Variants in CALN1 observed in about 807,000 individuals in gnomAD.
CALN1 encodes calcium-binding protein 8.
Under a neutral mutation model 30.6 loss-of-function variants are expected in CALN1, and 17 were observed. That is an observed-to-expected ratio of 0.56 (90% confidence interval 0.38 to 0.83). The LOEUF (loss-of-function observed/expected upper bound fraction) is 0.83, where lower values mean the gene tolerates loss of function less well. Among genes scored for constraint, CALN1 ranks in the 40% least tolerant of loss-of-function variants. The pLI, the probability that CALN1 is intolerant of heterozygous loss-of-function variation, is 0.00. For synonymous variants in CALN1, 156 were observed against 131.4 expected (o/e 1.19, Z -1.28); for missense variants, 291 against 354.9 (o/e 0.82, Z 1.45).
At chr7:71,856,613 GTATTTT>G (rs1562844602) in intron 5 of CALN1, among the ~76,000 whole-genome samples, 1 of 152,124 alleles carries the variant, frequency 6.6e-6, no homozygotes, top group African/African-American at 2.4e-5. Context: ...CCACTGTTCT[GTATTTT>G]TATATTTGTT....
At chr7:72,377,917 T>C (rs1391081786) in intron 2 of CALN1, among the ~76,000 whole-genome samples, 2 of 152,148 alleles carry the variant, frequency 1.3e-5, no homozygotes, top group Admixed American at 6.5e-5. Context: ...GAATGAGTGT[T>C]AACTTCTAAA....
chr7:72,149,322 G>T (rs574918144), intron 3 of CALN1, among the ~76,000 whole-genome samples: 3 of 151,944 alleles, frequency 2.0e-5, no homozygotes, highest in Non-Finnish European at 4.4e-5. Flanking sequence ...ACAAAAATTA[G>T]CTGGGCGTGG....
chr7:71,960,559 T>G (rs1327520425), intron 5 of CALN1, among the ~76,000 whole-genome samples: 2 of 152,212 alleles, frequency 1.3e-5, no homozygotes, highest in Admixed American at 1.3e-4. Flanking sequence ...TACCACATTT[T>G]CTTTATCCAT....
intron 5 of CALN1, among the ~76,000 whole-genome samples, chr7:71,959,092 A>C (rs1797110279): frequency 6.6e-6 from 1 of 152,204 alleles, no homozygotes; most frequent in Non-Finnish European, 1.5e-5. Context: ...TGGCACTATC[A>C]AAGGCTAGGA....
intron 3 of CALN1, among the ~76,000 whole-genome samples, chr7:72,246,053 CTT>C (rs1795136802): frequency 6.6e-6 from 1 of 151,472 alleles, no homozygotes; most frequent in African/African-American, 2.5e-5. Flanking sequence ...TTCCCTCTCT[CTT>C]CTCTAGTTCC....
intron 4 of CALN1, among the ~76,000 whole-genome samples, chr7:72,025,135 AC>A (rs1454849950): frequency 6.6e-6 from 1 of 151,940 alleles, no homozygotes; most frequent in Non-Finnish European, 1.5e-5. Flanking sequence ...ACATGGTGAA[AC>A]CCTGTCTCTA....
At chr7:72,352,462 C>T (rs1386995438) in intron 2 of CALN1, among the ~76,000 whole-genome samples, 2 of 148,026 alleles carry the variant, frequency 1.4e-5, no homozygotes, top group South Asian at 4.3e-4. Flanking sequence ...ATAACCATAA[C>T]GGAATTAAAT....
chr7:71,957,705 G>A (rs1797031244), intron 5 of CALN1, among the ~76,000 whole-genome samples: 2 of 152,102 alleles, frequency 1.3e-5, no homozygotes, highest in South Asian at 4.2e-4. Flanking sequence ...AAGAAACTAG[G>A]AATGTTCTCA....
chr7:72,324,112 C>G (rs945898086), intron 2 of CALN1, among the ~76,000 whole-genome samples: 5 of 151,990 alleles, frequency 3.3e-5, no homozygotes, highest in African/African-American at 4.8e-5. Context: ...TCCGAGTGCC[C>G]TGGTTCGCAA....
chr7:72,344,666 A>G (rs1393168673), intron 2 of CALN1, among the ~76,000 whole-genome samples: 1 of 146,896 alleles, frequency 6.8e-6, no homozygotes, highest in East Asian at 1.9e-4. Flanking sequence ...ATATAAATAT[A>G]TATTTTATTT....
chr7:72,243,955 C>T (rs1795001940), intron 3 of CALN1, among the ~76,000 whole-genome samples: 1 of 152,132 alleles, frequency 6.6e-6, no homozygotes, highest in Non-Finnish European at 1.5e-5. Flanking sequence ...ACTGTTCTAC[C>T]TCTATCTACC....
intron 4 of CALN1, among the ~76,000 whole-genome samples, chr7:72,026,457 G>T (rs2129530802): frequency 6.6e-6 from 1 of 152,166 alleles, no homozygotes; most frequent in East Asian, 2.0e-4. Flanking sequence ...CTGGTGGCAG[G>T]TGCCTGTAAT....
intron 3 of CALN1, among the ~76,000 whole-genome samples, chr7:72,261,488 G>A (rs566338063): frequency 7.9e-5 from 12 of 151,662 alleles, no homozygotes; most frequent in Middle Eastern, 3.4e-3. Context: ...GCTGGAGTGC[G>A]ATCATAGCTC....
intron 3 of CALN1, among the ~76,000 whole-genome samples, chr7:72,137,745 G>C (rs965121234): frequency 2.6e-5 from 4 of 152,208 alleles, no homozygotes; most frequent in Admixed American, 1.3e-4. Context: ...GATGGTTATA[G>C]TATGCTTATG....
chr7:72,330,699 G>A (rs1021686603), intron 2 of CALN1, among the ~76,000 whole-genome samples: 3 of 152,162 alleles, frequency 2.0e-5, no homozygotes, highest in African/African-American at 7.2e-5. Flanking sequence ...CATTTTCAAA[G>A]AATCCAGATT....
chr7:72,317,219 G>A (rs531900778), intron 2 of CALN1, among the ~76,000 whole-genome samples: 1 of 126,966 alleles, frequency 7.9e-6, no homozygotes, highest in South Asian at 3.2e-4. Context: ...GAGGAAGAGA[G>A]AAAGAAAGAG....
intron 4 of CALN1, among the ~76,000 whole-genome samples, chr7:72,041,218 G>A (rs747798112): frequency 6.6e-6 from 1 of 152,196 alleles, no homozygotes; most frequent in South Asian, 2.1e-4. Context: ...GAGATCAAGG[G>A]ACACCTCCAA....
chr7:72,023,621 G>A, intron 5 of CALN1, 36 bp downstream of exon 5: 1 of 1,519,326 alleles, frequency 6.6e-7, no homozygotes, highest in Non-Finnish European at 9.1e-7. Context: ...CACATTTACT[G>A]TCAAACTTAG....
intron 3 of CALN1, among the ~76,000 whole-genome samples, chr7:72,204,117 T>C (rs1212069847): frequency 6.6e-6 from 1 of 150,610 alleles, no homozygotes; most frequent in Non-Finnish European, 1.5e-5. Context: ...GCCTCCCCAG[T>C]AGCTGGGACT....
Sources: allele counts gnomAD v4.1 joint callset (sites outside exome capture counted in the v4.1 genomes callset), GRCh38; gene constraint gnomAD v4.1.1; transcripts MANE v1.5; gene names NCBI Gene and HGNC (gene_info 2026-07-23, HGNC 2026-07-21).